Variants in EIF4G1 observed in about 807,000 individuals in gnomAD.
The protein encoded by EIF4G1 is eukaryotic translation initiation factor 4 gamma 1, also known as EIF4-gamma.
EIF4G1 carries 4 observed loss-of-function variants against 187.8 expected under a neutral mutation model. The ratio of observed to expected loss-of-function variants is 0.02; its 90% CI spans 0.01 to 0.05. The LOEUF (loss-of-function observed/expected upper bound fraction) is 0.05. Among genes scored for constraint, EIF4G1 ranks in the 10% least tolerant of loss-of-function variants. The pLI is 1.00. For missense variants in EIF4G1, 1,647 were observed against 2,081.1 expected, an observed-to-expected ratio of 0.79 and a Z score of 4.06; for synonymous variants, 844 against 781.4, an observed-to-expected ratio of 1.08 and a Z score of -1.34.
Position 184,327,823 on chromosome 3 carries a change from C to T in EIF4G1, c.3781-7C>T, listed in dbSNP as rs759120156. 7 of 1,614,042 alleles carry T rather than the reference C, an allele frequency of 4.3e-6. No homozygotes were observed. Among genetic ancestry groups the T allele is most frequent in the Non-Finnish European group, 5.1e-6 (6 of 1,180,030 alleles). ...GGTCTCTTCCTGCTGTGCCCTGCAC[C>T]CCTCAGGAGGCAGTCCAGTGCGTGC... On this transcript the variant is annotated splice_polypyrimidine_tract_variant and splice_region_variant and intron_variant, in intron 25 of 32. Coordinates refer to ENST00000346169, the MANE Select transcript of EIF4G1 (RefSeq NM_198241.3).
intron 16 of EIF4G1, 86 bp downstream of exon 16, chr3:184,324,063 C>G: frequency 6.2e-7 from 1 of 1,606,230 alleles, no homozygotes; most frequent in East Asian, 2.2e-5. Context: ...CTTGGTTCCC[C>G]TCCAACTTGT....
chr3:184,327,739 G>T, intron 25 of EIF4G1, 35 bp downstream of exon 25: 1 of 1,613,256 alleles, frequency 6.2e-7, no homozygotes, highest in Non-Finnish European at 8.5e-7. Context: ...TTGAGGAGTG[G>T]GCAGGGAGGG....
At chr3:184,328,363 C>A in intron 26 of EIF4G1, 1 of 526,912 alleles carries the variant, frequency 1.9e-6, no homozygotes, top group South Asian at 2.0e-5. Flanking sequence ...TGCACTCCAG[C>A]CTGGGTGACA....
Position 184,320,704 on chromosome 3 carries a change from C to T in EIF4G1, c.612C>T (p.Ser204=). 1 of 1,614,154 alleles carries T rather than the reference C, an allele frequency of 6.2e-7. No individual in the cohort carries two copies. Among genetic ancestry groups the T allele is most frequent in the East Asian group, 2.2e-5 (1 of 44,886 alleles). The stretch of plus-strand genomic sequence containing the variant: ...TCATGTCTGGGGCCCGCACTGCCTC[C>T]ACACCCACCCCTCCCCAGGTACTGT... ...EEIMSGARTA[S]TPTPPQTGGG... Residue 204 remains serine (S), a synonymous_variant, in exon 8 of 33, where the codon TCC becomes TCT. Transcript: ENST00000346169.
intron 4 of EIF4G1, 38 bp from the exon 5 acceptor site, chr3:184,317,283 C>G (rs772052176): frequency 3.7e-6 from 6 of 1,612,596 alleles, no homozygotes; most frequent in Non-Finnish European, 4.2e-6. Flanking sequence ...CCACTTCCTT[C>G]TCTTTACAAT....
rs1301261088 is a variant in EIF4G1 at position 184,320,967 on chromosome 3, C to T, written c.671C>T (p.Pro224Leu). 13 of 1,614,118 alleles carry T rather than the reference C, an allele frequency of 8.1e-6. No individual in the cohort carries two copies. Among genetic ancestry groups the T allele is most frequent in the South Asian group, 2.2e-5 (2 of 91,078 alleles). ...GLEPQANGET[P>L]QVAVIVRPDD... Reference sequence around the variant, plus strand: ...GAGCCTCAAGCTAATGGGGAGACGCCCCAGGTTGCTGTCATTGTCCGGCCA... The same window carrying T: ...GAGCCTCAAGCTAATGGGGAGACGCTCCAGGTTGCTGTCATTGTCCGGCCA... The change falls in exon 9 of 33, where the codon CCC becomes CTC. Residue 224 changes from proline to leucine, a missense_variant. This residue lies in a region of EIF4G1 where 522 missense variants were observed against 485.2 expected (regional missense o/e 1.08). Transcript: ENST00000346169.
Position 184,335,228 on chromosome 3 carries a change from A to G in EIF4G1, c.*320A>G. On this transcript the variant is annotated 3_prime_UTR_variant, in exon 33 of 33. Coordinates refer to ENST00000346169, the MANE Select transcript of EIF4G1 (RefSeq NM_198241.3). ...TCCTTTTTTTTATTTTCTGAAAATC[A>G]CTCTCGGGACTGCCGTCCTCGCTGC... 3 of 312,928 alleles carry G rather than the reference A, an allele frequency of 9.6e-6. No homozygotes were observed. Among genetic ancestry groups the G allele is most frequent in the South Asian group, 3.7e-5 (1 of 26,966 alleles). The allele number at this position is 312,928 out of a possible 1,614,324, so 19.4% of individuals were successfully genotyped here.
In EIF4G1 at chr3:184,328,966, C is replaced by T. The variant is rs778823094; in HGVS notation, c.4137C>T (p.Ile1379=). The stretch of plus-strand genomic sequence containing the variant: ...AAGCTGCTTCCCTGTTGCTGGAGAT[C>T]CTGGGCCTCCTGTGCAAAAGCATGG... The part of the protein sequence containing the change: ...LGKAASLLLE[I]LGLLCKSMGP... The change falls in exon 28 of 33, where the codon ATC becomes ATT. Residue 1379 remains isoleucine (I), a synonymous_variant. Coordinates refer to ENST00000346169, the MANE Select transcript of EIF4G1 (RefSeq NM_198241.3). The T allele has an allele frequency of 6.2e-6, 10 of 1,614,034 alleles. No homozygotes were observed. The African/African-American group carries it at 1.1e-4, about 17-fold the overall frequency.
intron 17 of EIF4G1, among the ~76,000 whole-genome samples, chr3:184,324,613 C>A (rs1333108820): frequency 6.6e-6 from 1 of 152,206 alleles, no homozygotes; most frequent in African/African-American, 2.4e-5. Flanking sequence ...GCATGTGCCA[C>A]CATACCTGGC....
chr3:184,316,330 T>C, intron 4 of EIF4G1, 112 bp downstream of exon 4: 1 of 1,378,948 alleles, frequency 7.3e-7, no homozygotes, highest in Non-Finnish European at 1.0e-6. Context: ...CTTAATCCTC[T>C]GTGTTCTTTC....
intron 22 of EIF4G1, 102 bp downstream of exon 22, chr3:184,326,731 A>G (rs1206096215): frequency 5.4e-6 from 8 of 1,492,240 alleles, no homozygotes; most frequent in Non-Finnish European, 6.5e-6. Context: ...TGGTTAGGCA[A>G]TGCGGGCAAT....
intron 7 of EIF4G1, chr3:184,320,261 G>C: frequency 8.1e-7 from 1 of 1,230,356 alleles, no homozygotes; most frequent in Non-Finnish European, 1.0e-6. Flanking sequence ...TACTGGATCT[G>C]GGCCCTGCCC....
chr3:184,333,858 G>A (rs56148883), intron 32 of EIF4G1, among the ~76,000 whole-genome samples: 16,197 of 152,212 alleles, frequency 0.11, 1,216 homozygotes, highest in African/African-American at 0.2. Context: ...GGGTCCCTGG[G>A]TGGGTATGTG....
At position 184,315,844 on chromosome 3, in the gene EIF4G1, CGG is replaced by C; in HGVS notation, c.49_50del (p.Gly17ThrfsTer37). On this transcript the variant is annotated frameshift_variant, in exon 3 of 33. Coordinates refer to ENST00000346169, the MANE Select transcript of EIF4G1 (RefSeq NM_198241.3). LOFTEE classifies it high-confidence loss of function. ...CAGGCCCCCCACCCGCCCCATCCCC[CGG>C]ACTCCCACAGGTAATTAGGGAGGAA... ...STGPPPAPSP[G>X]LPQPAFPPGQ... The C allele has an allele frequency of 8.4e-6, 13 of 1,539,794 alleles. No individual in the cohort carries two copies. The highest frequency in any genetic ancestry group is 1.4e-5 in the African/African-American group (1 of 72,938).
chr3:184,317,659 T>G (rs1416498029), intron 5 of EIF4G1, 58 bp from the exon 6 acceptor site: 2 of 1,549,910 alleles, frequency 1.3e-6, no homozygotes, highest in Non-Finnish European at 1.8e-6. Context: ...TTTTGGAGTC[T>G]GATATGGAAC....
rs375224168 is a variant in EIF4G1 at position 184,327,603 on chromosome 3, C to T, written c.3679C>T (p.Leu1227=). 11 of 1,614,040 alleles carry T rather than the reference C, an allele frequency of 6.8e-6. No homozygotes were observed. Among genetic ancestry groups the T allele is most frequent in the Non-Finnish European group, 9.3e-6 (11 of 1,180,000 alleles). ...GRDAVKREAA[L]PPVSPLKAAL... ...TCCCACAGTGAAGCGAGAAGCTGCC[C>T]TACCCCCAGTGAGCCCCCTGAAGGC... The change falls in exon 25 of 33, where the codon CTA becomes TTA. Residue 1227 remains leucine, a synonymous_variant. Coordinates refer to ENST00000346169, the MANE Select transcript of EIF4G1 (RefSeq NM_198241.3).
In EIF4G1 at chr3:184,319,811, A is replaced by T. The variant is rs764170552; in HGVS notation, c.537+10A>T. On this transcript the variant is annotated intron_variant, in intron 7 of 32. Coordinates refer to ENST00000346169, the MANE Select transcript of EIF4G1 (RefSeq NM_198241.3). ...GAGGGAGCGTAAGACGGTGAGTAGC[A>T]GTGAGGGGCTCCGGGACATCTGGGA... 17 of 1,559,100 alleles carry T rather than the reference A, an allele frequency of 1.1e-5. No homozygotes were observed. Among genetic ancestry groups the T allele is most frequent in the Non-Finnish European group, 1.5e-5 (17 of 1,139,184 alleles).
intron 1 of EIF4G1, 85 bp downstream of exon 1, chr3:184,314,759 C>G (rs1438529648): frequency 2.7e-5 from 4 of 146,844 alleles, no homozygotes; most frequent in Non-Finnish European, 4.6e-5. Context: ...ACCGGCCACC[C>G]TGCGCCGCCG....
chr3:184,334,990 C>G lies in EIF4G1; in HGVS notation c.*82C>G. On this transcript the variant is annotated 3_prime_UTR_variant, in exon 33 of 33. Transcript: ENST00000346169. This position sits in a 1 kb window ranked among gnomAD's most constrained non-coding sequence, Gnocchi z 5.8. Reference sequence around the variant, plus strand: ...CGCCTGGACTGCAGGGGGGCGGCAGCAGCGGCGGTGGCAGTGGGTGCCTGT... The same window carrying G: ...CGCCTGGACTGCAGGGGGGCGGCAGGAGCGGCGGTGGCAGTGGGTGCCTGT... The G allele has an allele frequency of 6.4e-7, 1 of 1,570,998 alleles. No homozygotes were observed. Among genetic ancestry groups the G allele is most frequent in the Non-Finnish European group, 8.7e-7 (1 of 1,151,712 alleles).
Sources: allele counts gnomAD v4.1 joint callset (sites outside exome capture counted in the v4.1 genomes callset), GRCh38; gene constraint gnomAD v4.1.1; regional missense constraint gnomAD v4.1.1; non-coding constraint Gnocchi (gnomAD v3.1); transcripts MANE v1.5; gene names NCBI Gene and HGNC (gene_info 2026-07-23, HGNC 2026-07-21).